SSBP4: variants seen among roughly 807,000 people sequenced by gnomAD.
The protein encoded by SSBP4 is single stranded DNA binding protein 4, also known as single-stranded DNA-binding protein 4.
In SSBP4, 33 loss-of-function variants were observed where a neutral mutation model predicts 64.6. That is an observed-to-expected ratio of 0.51 (90% CI 0.39 to 0.68). The LOEUF is 0.68. Among genes scored for constraint, SSBP4 ranks in the 30% least tolerant of loss-of-function variants. The probability of loss-of-function intolerance (pLI) is 0.00; values close to 1 mark genes in which losing one functional copy is unlikely to be tolerated. For missense variants in SSBP4, 583 were observed against 566.8 expected, an observed-to-expected ratio of 1.03 and a Z score of -0.29; for synonymous variants, 243 against 224.0, an observed-to-expected ratio of 1.08 and a Z score of -0.76.
the SSBP4 span, among the ~76,000 whole-genome samples, chr19:18,413,331 C>A: frequency 2.0e-5 from 3 of 151,982 alleles, no homozygotes; most frequent in African/African-American, 7.3e-5. Context: ...GCCTCAGCCT[C>A]CTGAATAGCT....
Position 18,434,299 on chromosome 19 carries a change from C to T in SSBP4, c.*53C>T, listed in dbSNP as rs760638355. ...GGGCCTAGGCTTCTGCCCAGCGCCC[C>T]TGCTCAGGGCGAGGGGCTGAGGTCA... On this transcript the variant is annotated 3_prime_UTR_variant, in exon 18 of 18. Coordinates refer to ENST00000270061, the MANE Select transcript of SSBP4 (RefSeq NM_032627.5). The T allele has an allele frequency of 3.7e-6, 6 of 1,604,352 alleles. No individual in the cohort carries two copies. In the South Asian group the frequency reaches 5.5e-5, roughly 15 times the overall value.
chr19:18,433,491 C>T, intron 15 of SSBP4, 94 bp from the exon 16 acceptor site: 1 of 1,337,788 alleles, frequency 7.5e-7, no homozygotes, highest in Non-Finnish European at 1.0e-6. Flanking sequence ...GGCGCGTCGG[C>T]GGGGGCAGCT....
At chr19:18,429,481 T>A (rs985271231) in intron 4 of SSBP4, among the ~76,000 whole-genome samples, 1 of 110,292 alleles carries the variant, frequency 9.1e-6, no homozygotes, top group Non-Finnish European at 1.9e-5. Flanking sequence ...GGGGGGGGGG[T>A]GCGGTGGAGC....
chr19:18,413,662 G>A, the SSBP4 span, among the ~76,000 whole-genome samples: 2 of 152,198 alleles, frequency 1.3e-5, no homozygotes, highest in African/African-American at 4.8e-5. Context: ...AGGGGAGGTC[G>A]TGGGAAATGA....
At chr19:18,404,119 C>T in the SSBP4 span, among the ~76,000 whole-genome samples, 1 of 151,964 alleles carries the variant, frequency 6.6e-6, no homozygotes, top group Admixed American at 6.6e-5. Flanking sequence ...TGCAGAGACA[C>T]CTAGGGACAC....
intron 5 of SSBP4, 42 bp downstream of exon 5, chr19:18,430,972 G>T (rs2144779210): frequency 6.3e-7 from 1 of 1,599,874 alleles, no homozygotes; most frequent in Non-Finnish European, 8.5e-7. Context: ...AACTCTGGCT[G>T]AACATGCGTT....
At chr19:18,433,449 C>A in intron 15 of SSBP4, 136 bp from the exon 16 acceptor site, 3 of 1,456,686 alleles carry the variant, frequency 2.1e-6, no homozygotes, top group South Asian at 2.4e-5. Context: ...TGGCCTCAGT[C>A]CCGGGGTTCC....
At chr19:18,434,046 G>C in intron 17 of SSBP4, 171 bp from the exon 18 acceptor site, 1 of 1,014,932 alleles carries the variant, frequency 9.9e-7, no homozygotes, top group Non-Finnish European at 1.2e-6. Context: ...CGGGACCCGC[G>C]CCCCAGGGCG....
upstream of SSBP4, among the ~76,000 whole-genome samples, chr19:18,418,579 G>A (rs1407582618): frequency 6.6e-6 from 1 of 152,234 alleles, no homozygotes; most frequent in East Asian, 1.9e-4. The surrounding 1 kb of genome is among the most constrained non-coding windows in gnomAD (Gnocchi z 6.7). Context: ...TATTGTCACC[G>A]GGTGTTACTT....
At chr19:18,412,460 CA>C in the SSBP4 span, among the ~76,000 whole-genome samples, 25,062 of 74,124 alleles carry the variant, frequency 0.34, 2,186 homozygotes, top group African/African-American at 0.45. Flanking sequence ...GACTCCATCT[CA>C]AAAAAAAAAA....
At chr19:18,413,343 G>A in the SSBP4 span, among the ~76,000 whole-genome samples, 1 of 151,970 alleles carries the variant, frequency 6.6e-6, no homozygotes, top group Non-Finnish European at 1.5e-5. Context: ...TGAATAGCTG[G>A]GATTACATAC....
At chr19:18,419,809 C>A (rs1050340648) in intron 1 of SSBP4, 102 bp downstream of exon 1, 2 of 910,578 alleles carry the variant, frequency 2.2e-6, no homozygotes, top group Non-Finnish European at 2.7e-6. Flanking sequence ...CGGCGGGGAG[C>A]GCGAGCCTGA....
rs1448031224 is a variant in SSBP4 at position 18,419,641 on chromosome 19, G to A, written c.-8G>A. ...GTGTGGGCCCCGGCGGCGGCGGCGTGGAGCAGCATGTACGCCAAGGGGGGC... is the reference window on the plus strand; with the variant it reads ...GTGTGGGCCCCGGCGGCGGCGGCGTAGAGCAGCATGTACGCCAAGGGGGGC... On this transcript the variant is annotated 5_prime_UTR_variant, in exon 1 of 18. Transcript: ENST00000270061. 1.6e-6 allele frequency: 2 copies of A among 1,261,968 alleles called. No homozygotes were observed. The highest frequency in any genetic ancestry group is 2.1e-5 in the South Asian group (1 of 47,906). The allele number at this position is 1,261,968 out of a possible 1,614,324, so 78.2% of individuals were successfully genotyped here.
At chr19:18,429,413 G>C (rs1407651406) in intron 4 of SSBP4, among the ~76,000 whole-genome samples, 1 of 150,118 alleles carries the variant, frequency 6.7e-6, no homozygotes. Flanking sequence ...GGGAGGGCGC[G>C]CCGCCCGGGA....
rs901750144 is a variant in SSBP4 at position 18,419,477 on chromosome 19, TGCCGCC to T, written c.-163_-158del. On this transcript the variant is annotated 5_prime_UTR_variant, in exon 1 of 18. Transcript: ENST00000270061. The stretch of plus-strand genomic sequence containing the variant: ...CCGGGGCCGGAGCTGGAGCCGCCGC[TGCCGCC>T]GCCGCCGCGGCCGTCTGGAGCTCCC... 40 of 1,078,160 alleles carry T rather than the reference TGCCGCC, an allele frequency of 3.7e-5. No homozygotes were observed. The highest frequency in any genetic ancestry group is 4.3e-5 in the Non-Finnish European group (38 of 890,534). 66.8% of individuals were successfully genotyped at this position (1,078,160 alleles called of 1,614,324 possible). A position where few individuals can be genotyped will look rare whatever the true frequency, so the allele number is the denominator to read the frequency against.
chr19:18,417,351 C>A (rs1310966272), upstream of SSBP4, among the ~76,000 whole-genome samples: 1 of 152,168 alleles, frequency 6.6e-6, no homozygotes, highest in African/African-American at 2.4e-5. This position sits in a 1 kb window ranked among gnomAD's most constrained non-coding sequence, Gnocchi z 5.4. Flanking sequence ...CCGTGGCTCA[C>A]AGGGGGCGAG....
Position 18,433,948 on chromosome 19 carries a change from C to T in SSBP4, c.1128+131C>T, listed in dbSNP as rs1392042040. 8 of 1,241,024 alleles carry T rather than the reference C, an allele frequency of 6.4e-6. No individual in the cohort carries two copies. The African/African-American group carries it at 7.9e-5, about 12-fold the overall frequency. The allele number at this position is 1,241,024 out of a possible 1,614,324, so 76.9% of individuals were successfully genotyped here. ...GGCGGGCCAGGTGGGGGGGCGGCCG[C>T]GGCATCCTTTCCCTCTCCTCAACCT... On this transcript the variant is annotated intron_variant, in intron 17 of 17. Transcript: ENST00000270061.
chr19:18,434,001 C>T (rs1001880132), intron 17 of SSBP4, 184 bp downstream of exon 17: 2 of 1,234,894 alleles, frequency 1.6e-6, no homozygotes, highest in South Asian at 3.1e-5. Flanking sequence ...CCTCCCGCTC[C>T]TATTTCACCG....
intron 5 of SSBP4, among the ~76,000 whole-genome samples, 194 bp from the exon 6 acceptor site, chr19:18,431,159 A>G (rs1317560035): frequency 6.6e-6 from 1 of 151,930 alleles, no homozygotes; most frequent in Non-Finnish European, 1.5e-5. Context: ...ATGTGTGCGC[A>G]CAGGGTGCTT....
Sources: allele counts gnomAD v4.1 joint callset (sites outside exome capture counted in the v4.1 genomes callset), GRCh38; gene constraint gnomAD v4.1.1; non-coding constraint Gnocchi (gnomAD v3.1); transcripts MANE v1.5; gene names NCBI Gene and HGNC (gene_info 2026-07-23, HGNC 2026-07-21).